Variants in MROH2B observed in about 807,000 individuals in gnomAD.
MROH2B encodes the protein maestro heat like repeat family member 2B, also known as maestro heat-like repeat-containing protein family member 2B.
MROH2B carries 177 observed loss-of-function variants against 208.6 expected under a neutral mutation model. The ratio of observed to expected loss-of-function variants is 0.85; its 90% CI spans 0.75 to 0.96. The LOEUF (loss-of-function observed/expected upper bound fraction) is 0.96. MROH2B is among the 40% of genes least tolerant of loss of function. The probability of loss-of-function intolerance (pLI) is 0.00; values close to 1 mark genes in which losing one functional copy is unlikely to be tolerated. For missense variants in MROH2B, 2,002 were observed against 1,878.7 expected, an observed-to-expected ratio of 1.07 and a Z score of -1.21; for synonymous variants, 728 against 659.0, an observed-to-expected ratio of 1.10 and a Z score of -1.60.
chr5:41,012,793 C>A, intron 29 of MROH2B, 58 bp from the exon 30 acceptor site: 1 of 1,595,320 alleles, frequency 6.3e-7, no homozygotes. Flanking sequence ...TATCTAGATA[C>A]TTACAACATG....
intron 3 of MROH2B, among the ~76,000 whole-genome samples, chr5:41,066,903 C>T (rs1743830241): frequency 6.6e-6 from 1 of 152,086 alleles, no homozygotes; most frequent in African/African-American, 2.4e-5. Flanking sequence ...GATAAAATCA[C>T]CTTTAAAATC....
At chr5:41,013,677 G>T (rs1037643868) in intron 29 of MROH2B, among the ~76,000 whole-genome samples, 2 of 152,174 alleles carry the variant, frequency 1.3e-5, no homozygotes, top group Non-Finnish European at 2.9e-5. Flanking sequence ...AATGCTTGCC[G>T]GTTGTCCAAG....
At position 41,043,328 on chromosome 5, in the gene MROH2B, A is replaced by G. The variant is rs575921060; in HGVS notation, c.1837-1120T>C. ...ACCCCACTTTCACTTATTCAGGCCA[A>G]AGTCCCTATAATAAGGAAATTATAG... On this transcript the variant is annotated intron_variant, in intron 18 of 41. Coordinates refer to ENST00000399564, the MANE Select transcript of MROH2B (RefSeq NM_173489.5). 5.5e-4 allele frequency among the ~76,000 whole-genome samples: 84 copies of G among 152,320 alleles called. No individual in the cohort carries two copies. The South Asian group carries it at 0.017, about 30-fold the overall frequency.
chr5:41,001,467 T>C (rs2111789584), intron 37 of MROH2B, among the ~76,000 whole-genome samples: 1 of 152,214 alleles, frequency 6.6e-6, no homozygotes, highest in Middle Eastern at 3.4e-3. Flanking sequence ...ATCCCAGCAC[T>C]TTGGGAGCAG....
intron 33 of MROH2B, among the ~76,000 whole-genome samples, chr5:41,007,798 G>A (rs556138383): frequency 2.0e-4 from 31 of 152,308 alleles, no homozygotes; most frequent in Non-Finnish European, 4.0e-4. Flanking sequence ...TGTTACAATT[G>A]TTCTTGGCCA....
chr5:41,021,414 T>C (rs1308480930), intron 24 of MROH2B, among the ~76,000 whole-genome samples: 1 of 151,940 alleles, frequency 6.6e-6, no homozygotes, highest in African/African-American at 2.4e-5. Context: ...ATACCAAGGG[T>C]GCTTTTTGTA....
At chr5:41,019,756 A>C (rs1742082551) in intron 24 of MROH2B, among the ~76,000 whole-genome samples, 1 of 152,240 alleles carries the variant, frequency 6.6e-6, no homozygotes, top group South Asian at 2.1e-4. Flanking sequence ...GAGAGGAATA[A>C]AATTCAGTAC....
At chr5:41,033,274 T>A in intron 22 of MROH2B, 114 bp from the exon 23 acceptor site, 1 of 1,414,930 alleles carries the variant, frequency 7.1e-7, no homozygotes, top group East Asian at 2.5e-5. Flanking sequence ...AATCTTTGCT[T>A]CCTTTGCCAT....
chr5:41,052,200 G>A (rs1165390470), intron 12 of MROH2B, among the ~76,000 whole-genome samples: 2 of 70,246 alleles, frequency 2.8e-5, no homozygotes, highest in East Asian at 3.0e-4. Flanking sequence ...TAAGTTAGAG[G>A]TGATTTTAGA....
At chr5:41,046,813 C>T (rs190689714) in intron 17 of MROH2B, among the ~76,000 whole-genome samples, 292 of 152,060 alleles carry the variant, frequency 1.9e-3, no homozygotes, top group African/African-American at 6.5e-3. Flanking sequence ...GGGAAGGGAA[C>T]ATAAAAGAAC....
At chr5:41,011,404 A>G (rs142397329) in intron 30 of MROH2B, among the ~76,000 whole-genome samples, 1 of 152,304 alleles carries the variant, frequency 6.6e-6, no homozygotes, top group East Asian at 1.9e-4. Context: ...TGCTATACAC[A>G]CAAATATATG....
chr5:40,999,823 C>G, intron 39 of MROH2B, 44 bp from the exon 40 acceptor site: 2 of 1,572,676 alleles, frequency 1.3e-6, no homozygotes, highest in Non-Finnish European at 1.7e-6. Flanking sequence ...GGAAAGTGAA[C>G]CTTTGTGACA....
chr5:41,004,651 T>A, intron 36 of MROH2B, 123 bp from the exon 37 acceptor site: 1 of 1,517,664 alleles, frequency 6.6e-7, no homozygotes, highest in Non-Finnish European at 8.8e-7. Context: ...ACCGAAGGAC[T>A]ACCACTTCAG....
At chr5:41,019,952 T>C (rs1742089040) in intron 24 of MROH2B, among the ~76,000 whole-genome samples, 1 of 152,198 alleles carries the variant, frequency 6.6e-6, no homozygotes, top group Non-Finnish European at 1.5e-5. Context: ...TCTATGATAC[T>C]CTATTTTTTT....
chr5:41,026,940 G>T (rs770073364), intron 24 of MROH2B, among the ~76,000 whole-genome samples: 17 of 152,140 alleles, frequency 1.1e-4, no homozygotes, highest in Non-Finnish European at 2.4e-4. Flanking sequence ...AATGGGGAAA[G>T]GATTCCTTAT....
At chr5:41,007,657 T>C (rs543107565) in intron 33 of MROH2B, among the ~76,000 whole-genome samples, 2 of 152,168 alleles carry the variant, frequency 1.3e-5, no homozygotes, top group Non-Finnish European at 2.9e-5. Flanking sequence ...CAGTAAGTAA[T>C]GCCACAAAAT....
chr5:41,026,519 G>A (rs933386113), intron 24 of MROH2B, among the ~76,000 whole-genome samples: 22 of 152,096 alleles, frequency 1.4e-4, no homozygotes, highest in African/African-American at 5.1e-4. Flanking sequence ...ACAAACCACT[G>A]CTCAATGAAA....
At chr5:41,035,821 C>T (rs1438014564) in intron 21 of MROH2B, among the ~76,000 whole-genome samples, 2 of 146,016 alleles carry the variant, frequency 1.4e-5, no homozygotes, top group African/African-American at 2.5e-5. Flanking sequence ...AAAAACAAAA[C>T]AAAACAAAAA....
intron 33 of MROH2B, among the ~76,000 whole-genome samples, chr5:41,008,283 C>T (rs558472820): frequency 6.6e-6 from 1 of 151,464 alleles, no homozygotes; most frequent in Non-Finnish European, 1.5e-5. Flanking sequence ...TTTCTTTTTT[C>T]CCTGGTGGCC....
Sources: allele counts gnomAD v4.1 joint callset (sites outside exome capture counted in the v4.1 genomes callset), GRCh38; gene constraint gnomAD v4.1.1; transcripts MANE v1.5; gene names NCBI Gene and HGNC (gene_info 2026-07-23, HGNC 2026-07-21).